Variants in CADM2 observed in about 807,000 individuals in gnomAD.
CADM2 encodes cell adhesion molecule 2.
CADM2 carries 12 observed loss-of-function variants against 49.8 expected under a neutral mutation model. The ratio of observed to expected loss-of-function variants is 0.24; its 90% CI spans 0.15 to 0.39. The LOEUF is 0.39. CADM2 is among the 10% of genes least tolerant of loss of function. CADM2 has a pLI of 1.00. For synonymous variants in CADM2, 214 were observed against 175.4 expected, an observed-to-expected ratio of 1.22 and a Z score of -1.74; for missense variants, 378 against 492.3, an observed-to-expected ratio of 0.77 and a Z score of 2.20.
chr3:85,870,880 A>G (rs984655463), intron 3 of CADM2, among the ~76,000 whole-genome samples: 1 of 152,136 alleles, frequency 6.6e-6, no homozygotes, highest in African/African-American at 2.4e-5. Flanking sequence ...TACCATATAC[A>G]AAAAAATCAA....
In CADM2 at chr3:85,200,188, C is replaced by T. The variant is rs556504762; in HGVS notation, c.61+240520C>T. 1.7e-4 allele frequency among the ~76,000 whole-genome samples: 26 copies of T among 152,020 alleles called. 1 individual carries two copies. The highest frequency in any genetic ancestry group is 1.4e-3 in the Admixed American group (21 of 15,256). ...TCAGGTTTATCATATTTAATATAGACGTTAATATGACCTTCCTTGCAGGTT... is the reference window on the plus strand; with the variant it reads ...TCAGGTTTATCATATTTAATATAGATGTTAATATGACCTTCCTTGCAGGTT... On this transcript the variant is annotated intron_variant, in intron 1 of 9. Coordinates refer to ENST00000383699, the MANE Select transcript of CADM2 (RefSeq NM_001167675.2).
At chr3:85,247,679 G>A (rs2042681209) in intron 1 of CADM2, among the ~76,000 whole-genome samples, 1 of 152,036 alleles carries the variant, frequency 6.6e-6, no homozygotes, top group Non-Finnish European at 1.5e-5. Flanking sequence ...AATTATGTTT[G>A]TTTTCGTTTT....
chr3:85,101,623 C>G (rs527316293), intron 1 of CADM2, among the ~76,000 whole-genome samples: 1 of 152,200 alleles, frequency 6.6e-6, no homozygotes, highest in African/African-American at 2.4e-5. Context: ...CAATTTCTTT[C>G]AAAATATTCT....
At chr3:85,434,991 C>A (rs1419889449) in intron 1 of CADM2, among the ~76,000 whole-genome samples, 1 of 151,990 alleles carries the variant, frequency 6.6e-6, no homozygotes, top group Non-Finnish European at 1.5e-5. Context: ...AAATCATTTA[C>A]ATGTCTTGAT....
chr3:85,476,255 C>A (rs1015239554), intron 1 of CADM2, among the ~76,000 whole-genome samples: 38 of 151,822 alleles, frequency 2.5e-4, no homozygotes, highest in Non-Finnish European at 4.6e-4. Context: ...CTTCATACAT[C>A]TTTATAAATT....
chr3:85,776,832 T>C (rs2070383878), intron 2 of CADM2, among the ~76,000 whole-genome samples: 1 of 152,118 alleles, frequency 6.6e-6, no homozygotes, highest in African/African-American at 2.4e-5. Context: ...TTGTAAATAT[T>C]ACCAAGTCAA....
intron 1 of CADM2, among the ~76,000 whole-genome samples, chr3:85,288,794 C>CG (rs71882631): frequency 7.5e-6 from 1 of 132,690 alleles, no homozygotes; most frequent in Admixed American, 7.6e-5. Context: ...GCCCCCCCCC[C>CG]CTCTTTTTTT....
At chr3:85,949,458 G>A (rs1236617761) in intron 7 of CADM2, among the ~76,000 whole-genome samples, 1 of 151,162 alleles carries the variant, frequency 6.6e-6, no homozygotes, top group East Asian at 2.0e-4. Flanking sequence ...CTTAGTTCCT[G>A]TGAAACAACA....
intron 8 of CADM2, among the ~76,000 whole-genome samples, chr3:86,028,974 G>A (rs554585444): frequency 6.6e-6 from 1 of 152,258 alleles, no homozygotes; most frequent in Admixed American, 6.5e-5. Context: ...AATTGGACTA[G>A]ATATGGCTGG....
At position 85,278,718 on chromosome 3, in the gene CADM2, TTGTGTGTGTGTGTG is replaced by T. The variant is rs36208431; in HGVS notation, c.61+319080_61+319093del. ...TGAAATGTTCTCACTGCTGATGTTC[TTGTGTGTGTGTGTG>T]TGTGTGTGTGTGTGTGTGTGTGTGT... On this transcript the variant is annotated intron_variant, in intron 1 of 9. Transcript: ENST00000383699. Among the ~76,000 whole-genome samples the T allele has an allele frequency of 4.4e-3, 642 of 144,546 alleles. 5 individuals carry two copies. Among genetic ancestry groups the T allele is most frequent in the Middle Eastern group, 0.028 (8 of 286 alleles). The allele number at this position is 144,546 out of a possible 152,430, so 94.8% of individuals were successfully genotyped here. A position where few individuals can be genotyped will look rare whatever the true frequency, so the allele number is the denominator to read the frequency against.
At chr3:85,945,313 G>C (rs1287020012) in intron 7 of CADM2, among the ~76,000 whole-genome samples, 2 of 152,012 alleles carry the variant, frequency 1.3e-5, no homozygotes, top group African/African-American at 2.4e-5. Flanking sequence ...AAAAGTCCCA[G>C]ACCAGACGGT....
intron 1 of CADM2, among the ~76,000 whole-genome samples, chr3:85,182,278 A>G (rs1027918854): frequency 6.6e-6 from 1 of 152,082 alleles, no homozygotes; most frequent in African/African-American, 2.4e-5. Flanking sequence ...CTCACTTCTT[A>G]TAGAATCTGG....
intron 1 of CADM2, among the ~76,000 whole-genome samples, chr3:85,480,194 T>C (rs993336694): frequency 1.3e-5 from 2 of 151,866 alleles, no homozygotes; most frequent in African/African-American, 4.8e-5. Context: ...CAATTTTGAC[T>C]ACATTTTTCA....
intron 7 of CADM2, among the ~76,000 whole-genome samples, chr3:85,950,579 T>G (rs1723310979): frequency 6.6e-6 from 1 of 151,154 alleles, no homozygotes; most frequent in Non-Finnish European, 1.5e-5. Context: ...AAAAATGCCA[T>G]TATTTTCAAG....
chr3:85,016,988 A>G (rs1218279857), intron 1 of CADM2, among the ~76,000 whole-genome samples: 2 of 152,142 alleles, frequency 1.3e-5, no homozygotes, highest in Non-Finnish European at 2.9e-5. Flanking sequence ...AATAAATGAA[A>G]TCCACCCACC....
intron 1 of CADM2, among the ~76,000 whole-genome samples, chr3:85,590,661 G>C (rs963230761): frequency 6.6e-6 from 1 of 151,828 alleles, no homozygotes; most frequent in Non-Finnish European, 1.5e-5. Context: ...TAAAGGAAAG[G>C]CTTTGAAAAA....
intron 1 of CADM2, among the ~76,000 whole-genome samples, chr3:85,706,031 C>T (rs1055342155): frequency 1.3e-5 from 2 of 152,068 alleles, no homozygotes; most frequent in Admixed American, 6.6e-5. Context: ...AAACTATATT[C>T]GTAGAAATAA....
intron 3 of CADM2, among the ~76,000 whole-genome samples, chr3:85,834,138 T>A (rs2074302736): frequency 6.6e-6 from 1 of 151,690 alleles, no homozygotes; most frequent in Non-Finnish European, 1.5e-5. Flanking sequence ...GTCAAAGGTC[T>A]CTTAACATGA....
At chr3:85,013,450 G>A (rs988740590) in intron 1 of CADM2, among the ~76,000 whole-genome samples, 22 of 151,856 alleles carry the variant, frequency 1.4e-4, no homozygotes, top group Non-Finnish European at 7.4e-5. Context: ...TCCCAAAGAT[G>A]TTATGGTTTT....
Sources: allele counts gnomAD v4.1 joint callset (sites outside exome capture counted in the v4.1 genomes callset), GRCh38; gene constraint gnomAD v4.1.1; transcripts MANE v1.5; gene names NCBI Gene and HGNC (gene_info 2026-07-23, HGNC 2026-07-21).